The following ZAN variants were observed in gnomAD, a reference collection of about 807,000 sequenced individuals.
ZAN encodes zonadhesin.
Under a neutral mutation model 286.2 loss-of-function variants are expected in ZAN, and 260 were observed. That is an observed-to-expected ratio of 0.91 (90% CI 0.82 to 1.01). The LOEUF is 1.01. Ranked by LOEUF, ZAN falls within the 50% of genes least tolerant of loss-of-function variation. The pLI is 0.00. For missense variants in ZAN, 3,410 were observed against 3,639.2 expected (o/e 0.94, Z 1.62); for synonymous variants, 1,368 against 1,417.5 (o/e 0.97, Z 0.79).
intron 22 of ZAN, 108 bp downstream of exon 22, chr7:100,764,304 A>T: frequency 7.4e-7 from 1 of 1,345,728 alleles, no homozygotes; most frequent in Non-Finnish European, 9.8e-7. Context: ...GGAGTTTGGG[A>T]CCAGCCTGGC....
chr7:100,736,756 G>C (rs1807322637), intron 4 of ZAN, 53 bp from the exon 5 acceptor site: 3 of 1,456,210 alleles, frequency 2.1e-6, no homozygotes, highest in Admixed American at 4.0e-5. Flanking sequence ...GATGGGTGGG[G>C]GCAGCCCTCA....
rs748593775 is a variant in ZAN, at chr7:100,767,922, A to G, written c.4952A>G (p.Asn1651Ser). ...AGCAACCTCGTCCTCCTCTACACGA[A>G]CTTTGGGCTCCAAGTTCGCTACGAC... The part of the protein sequence containing the change: ...LSSNLVLLYT[N>S]FGLQVRYDGS... Residue 1651 changes from asparagine (N) to serine (S), a missense_variant, in exon 26 of 48, where the codon AAC becomes AGC. Around this residue, in one of 7 missense-constraint regions of ZAN, gnomAD observed 1,042 missense variants for 1,058.0 expected, o/e 0.98. Coordinates refer to ENST00000613979, the MANE Select transcript of ZAN (RefSeq NM_003386.3). 3 of 1,613,960 alleles carry G rather than the reference A, an allele frequency of 1.9e-6. No homozygotes were observed. The South Asian group carries it at 3.3e-5, about 18-fold the overall frequency.
At chr7:100,754,442 A>G in intron 14 of ZAN, among the ~76,000 whole-genome samples, 1 of 151,954 alleles carries the variant, frequency 6.6e-6, no homozygotes, top group East Asian at 1.9e-4. Context: ...CTGGGTGATA[A>G]AGTGAGACTC....
In ZAN at chr7:100,766,680, G is replaced by A. The variant is rs373630754; in HGVS notation, c.4612+14G>A. On this transcript the variant is annotated intron_variant, in intron 24 of 47. Coordinates refer to ENST00000613979, the MANE Select transcript of ZAN (RefSeq NM_003386.3). ...GCCATGCCCAAGGTGAGCCATCAGGGTGGAAGGTGAGCTGGGGGCTGCCCA... is the reference window on the plus strand; with the variant it reads ...GCCATGCCCAAGGTGAGCCATCAGGATGGAAGGTGAGCTGGGGGCTGCCCA... 178 of 1,562,778 alleles carry A rather than the reference G, an allele frequency of 1.1e-4. 1 individual carries two copies. The African/African-American group carries it at 1.9e-3, about 17-fold the overall frequency.
At position 100,755,265 on chromosome 7, in the gene ZAN, G is replaced by T. The variant is rs574369357; in HGVS notation, c.3164G>T (p.Cys1055Phe). 6.2e-7 allele frequency: 1 copy of T among 1,613,810 alleles called. No individual in the cohort carries two copies. ...AATGCCCGCTACGAATCCTGTGCTT[G>T]TCCTGCTTCGTGCAAGAGCCCCAGG... ...PPNARYESCA[C>F]PASCKSPRPS... The change falls in exon 15 of 48, where the codon TGT (cysteine) becomes TTT (phenylalanine). Residue 1055 changes from cysteine (C) to phenylalanine (F), a missense_variant. By Grantham distance (205) the Cys-to-Phe change is radical (BLOSUM62 -2). This residue lies in a region of ZAN where 1,042 missense variants were observed against 1,058.0 expected (regional missense o/e 0.98). Transcript: ENST00000613979.
chr7:100,759,487 C>T (rs554981747), intron 17 of ZAN, among the ~76,000 whole-genome samples: 6 of 152,292 alleles, frequency 3.9e-5, no homozygotes, highest in South Asian at 2.1e-4. Context: ...GGAGCACAGA[C>T]GCCCTGGAGG....
Position 100,736,854 on chromosome 7 carries a change from G to A in ZAN, c.299G>A (p.Gly100Glu), listed in dbSNP as rs1019300722. 33 of 1,483,822 alleles carry A rather than the reference G, an allele frequency of 2.2e-5. 5 individuals carry two copies. Among genetic ancestry groups the A allele is most frequent in the Non-Finnish European group, 2.9e-5 (32 of 1,087,790 alleles). The allele number at this position is 1,483,822 out of a possible 1,614,324, so 91.9% of individuals were successfully genotyped here. ...HMESNSFHRG[G>E]VARLLSPDLW... ...GAATCGAACAGCTTCCACCGTGGGG[G>A]AGTGGCCCGCCTGCTCAGCCCCGAC... The change falls in exon 5 of 48, where the codon GGA (glycine) becomes GAA (glutamate). Residue 100 changes from glycine (G) to glutamate (E), a missense_variant. Gly to Glu is a moderately conservative substitution (Grantham distance 98, BLOSUM62 -2). Around this residue, in one of 7 missense-constraint regions of ZAN, gnomAD observed 872 missense variants for 938.9 expected, o/e 0.93. Coordinates refer to ENST00000613979, the MANE Select transcript of ZAN (RefSeq NM_003386.3).
Position 100,751,188 on chromosome 7 carries a change from T to G in ZAN, c.1528T>G (p.Phe510Val), listed in dbSNP as rs1299157780. 12 of 1,605,926 alleles carry G rather than the reference T, an allele frequency of 7.5e-6. No homozygotes were observed. The highest frequency in any genetic ancestry group is 1.0e-5 in the Non-Finnish European group (12 of 1,177,176). The change falls in exon 13 of 48, where the codon TTC becomes GTC. Residue 510 changes from phenylalanine to valine, a missense_variant. Phe to Val is a conservative substitution (Grantham distance 50). Around this residue, in one of 7 missense-constraint regions of ZAN, gnomAD observed 872 missense variants for 938.9 expected, o/e 0.93. Coordinates refer to ENST00000613979, the MANE Select transcript of ZAN (RefSeq NM_003386.3). ...SGHQQPMQLI[F>V]KGIQGSNTAS... is the part of the protein sequence containing the mutation. ...TCTCCCTTGTCGCCTTTAGCTTATT[T>G]TCAAGGGCATCCAGGGAAGCAACAC... is the stretch of plus-strand genomic sequence containing the variant.
In ZAN at chr7:100,755,336, G is replaced by A. The variant is rs764391427; in HGVS notation, c.3235G>A (p.Gly1079Ser). The change falls in exon 15 of 48, where the codon GGC becomes AGC. Residue 1079 changes from glycine to serine, a missense_variant. Transcript: ENST00000613979. ...TCGGGAGGGCTGTGTCTGCAACCCT[G>A]GCTTTTTGTTTAGTGACAACCACTG... ...LCREGCVCNP[G>S]FLFSDNHCIQ... 6.2e-7 allele frequency: 1 copy of A among 1,613,876 alleles called. No homozygotes were observed. Among genetic ancestry groups the A allele is most frequent in the Non-Finnish European group, 8.5e-7 (1 of 1,179,872 alleles).
chr7:100,750,755 G>C lies in ZAN; in HGVS notation c.1380G>C (p.Gly460=). The C allele has an allele frequency of 6.2e-7, 1 of 1,613,304 alleles. No homozygotes were observed. The highest frequency in any genetic ancestry group is 1.1e-5 in the South Asian group (1 of 90,942). Reference sequence around the variant, plus strand: ...TCGCATACCACATGTATGGCCTTGGGGAGGGTACTATGCTCGAACTCCTCC... The same window carrying C: ...TCGCATACCACATGTATGGCCTTGGCGAGGGTACTATGCTCGAACTCCTCC... The part of the protein sequence containing the change: ...VEFAYHMYGL[G]EGTMLELLLG... Residue 460 remains glycine, a synonymous_variant, in exon 12 of 48, where the codon GGG becomes GGC. Coordinates refer to ENST00000613979, the MANE Select transcript of ZAN (RefSeq NM_003386.3).
At chr7:100,756,739 T>C (rs957495822) in intron 15 of ZAN, among the ~76,000 whole-genome samples, 6 of 151,896 alleles carry the variant, frequency 4.0e-5, no homozygotes, top group Non-Finnish European at 7.4e-5. Context: ...CAGTTCTCTA[T>C]TGATGCAAAA....
intron 20 of ZAN, 61 bp downstream of exon 20, chr7:100,762,419 CTTTTTTTTTTTTT>C (rs869138443): frequency 2.0e-6 from 2 of 1,016,818 alleles, no homozygotes; most frequent in Non-Finnish European, 2.5e-6. Context: ...CTGGAACTCT[CTTTTTTTTTTTTT>C]TTTTTTTTTT....
chr7:100,763,449 G>A lies in ZAN; in HGVS notation c.3987-357G>A, dbSNP rs1306932669. ...TGCAGTGGTTCAATCACAGCTCACT[G>A]CAGGCTCCAACTCCTGGGCTCAACA... On this transcript the variant is annotated intron_variant, in intron 20 of 47. Transcript: ENST00000613979. This position sits in a 1 kb window ranked among gnomAD's most constrained non-coding sequence, Gnocchi z 4.6. Among the ~76,000 whole-genome samples the A allele has an allele frequency of 6.6e-6, 1 of 152,168 alleles. No homozygotes were observed. Among genetic ancestry groups the A allele is most frequent in the Admixed American group, 6.6e-5 (1 of 15,262 alleles).
intron 42 of ZAN, 77 bp from the exon 43 acceptor site, chr7:100,793,743 T>C (rs1042265783): frequency 6.8e-7 from 1 of 1,478,608 alleles, no homozygotes. Context: ...CAGCCTACTC[T>C]GAGTTTTATC....
At position 100,773,809 on chromosome 7, in the gene ZAN, G is replaced by C. The variant is rs1174989416; in HGVS notation, c.5723G>C (p.Cys1908Ser). 6.2e-7 allele frequency: 1 copy of C among 1,612,038 alleles called. No homozygotes were observed. Among genetic ancestry groups the C allele is most frequent in the Non-Finnish European group, 8.5e-7 (1 of 1,179,180 alleles). The change falls in exon 31 of 48, where the codon TGC (cysteine) becomes TCC (serine). Residue 1908 changes from cysteine (C) to serine (S), a missense_variant. By Grantham distance (112) the Cys-to-Ser change is moderately radical. This residue lies in a region of ZAN where 1,289 missense variants were observed against 1,314.3 expected (regional missense o/e 0.98). Coordinates refer to ENST00000613979, the MANE Select transcript of ZAN (RefSeq NM_003386.3). ...AACATCACCTGCTTCCAGAGCACCT[G>C]CAAACCCAACCAGATATGCTGGGCC... ...HNNITCFQST[C>S]KPNQICWALD... is the part of the protein sequence containing the mutation.
At chr7:100,745,940 C>A (rs1005456657) in intron 7 of ZAN, among the ~76,000 whole-genome samples, 8 of 149,840 alleles carry the variant, frequency 5.3e-5, no homozygotes, top group Admixed American at 2.0e-4. Flanking sequence ...AGTTAGCACC[C>A]AGGCCAGATG....
chr7:100,784,615 A>C lies in ZAN; in HGVS notation c.6623-8A>C. 6.2e-7 allele frequency: 1 copy of C among 1,612,870 alleles called. No individual in the cohort carries two copies. The highest frequency in any genetic ancestry group is 8.5e-7 in the Non-Finnish European group (1 of 1,179,648). On this transcript the variant is annotated splice_polypyrimidine_tract_variant and splice_region_variant and intron_variant, in intron 35 of 47. Coordinates refer to ENST00000613979, the MANE Select transcript of ZAN (RefSeq NM_003386.3). ...TCTCCACTGACCCACTGTCTCCTTC[A>C]CCCACAGCTCTGGAATGCCCTGCCT...
chr7:100,795,169 C>T, intron 44 of ZAN, 27 bp from the exon 45 acceptor site: 1 of 1,597,984 alleles, frequency 6.3e-7, no homozygotes, highest in Non-Finnish European at 8.5e-7. Context: ...CAGGGCCCCC[C>T]TCCCACAACC....
In ZAN at chr7:100,751,954, G is replaced by T. The variant is rs540456930; in HGVS notation, c.1849G>T (p.Glu617Ter). 3.7e-6 allele frequency: 6 copies of T among 1,612,620 alleles called. No homozygotes were observed. In the African/African-American group the frequency reaches 8.0e-5, roughly 22 times the overall value. ...IPSEKPNMPSEKPTIPSEKPT... is the reference protein window; with the variant it reads ...IPSEKPNMPS ...TTCAGAAAAACCCAACATGCCCTCA[G>T]AAAAACCCACCATTCCCTCAGAAAA... The change falls in exon 14 of 48, where the codon GAA becomes TAA. Residue 617 changes from glutamate to a stop codon, truncating the protein, a stop_gained. Coordinates refer to ENST00000613979, the MANE Select transcript of ZAN (RefSeq NM_003386.3). LOFTEE classifies it high-confidence loss of function.
Sources: allele counts gnomAD v4.1 joint callset (sites outside exome capture counted in the v4.1 genomes callset), GRCh38; gene constraint gnomAD v4.1.1; regional missense constraint gnomAD v4.1.1; non-coding constraint Gnocchi (gnomAD v3.1); transcripts MANE v1.5; gene names NCBI Gene and HGNC (gene_info 2026-07-23, HGNC 2026-07-21).